Variants in PAG1 observed in about 807,000 individuals in gnomAD.
PAG1 encodes the protein phosphoprotein membrane anchor with glycosphingolipid microdomains 1.
In PAG1, 23 loss-of-function variants were observed where a neutral mutation model predicts 31.7. The observed-to-expected ratio is 0.73, with a 90% CI of 0.52 to 1.03. The LOEUF is 1.03. Ranked by LOEUF, PAG1 falls within the 50% of genes least tolerant of loss-of-function variation. PAG1 has a pLI of 0.00. For missense variants in PAG1, 473 were observed against 540.7 expected, an observed-to-expected ratio of 0.87 and a Z score of 1.24; for synonymous variants, 214 against 210.3, an observed-to-expected ratio of 1.02 and a Z score of -0.15.
At chr8:80,979,488 G>A (rs1373097093) in intron 8 of PAG1, among the ~76,000 whole-genome samples, 1 of 152,196 alleles carries the variant, frequency 6.6e-6, no homozygotes, top group Non-Finnish European at 1.5e-5. Flanking sequence ...TGACCCCTAG[G>A]TTTTGGTCTG....
At chr8:81,059,474 A>G (rs1808882659) in intron 2 of PAG1, among the ~76,000 whole-genome samples, 1 of 152,116 alleles carries the variant, frequency 6.6e-6, no homozygotes, top group African/African-American at 2.4e-5. Context: ...CACAAAATTA[A>G]ACATACCTCC....
intron 3 of PAG1, among the ~76,000 whole-genome samples, chr8:81,021,420 C>G (rs1029334200): frequency 1.4e-5 from 2 of 148,144 alleles, no homozygotes; most frequent in African/African-American, 5.0e-5. Context: ...TAGTTTGCAC[C>G]CTATGTCCTT....
chr8:81,022,316 T>C (rs918665673), intron 3 of PAG1, among the ~76,000 whole-genome samples: 11 of 152,226 alleles, frequency 7.2e-5, no homozygotes, highest in Non-Finnish European at 1.5e-5. Flanking sequence ...TATATTTCTT[T>C]TTCCTTAGAT....
chr8:81,096,391 C>T (rs564756718), intron 1 of PAG1, among the ~76,000 whole-genome samples: 15 of 152,106 alleles, frequency 9.9e-5, no homozygotes, highest in Non-Finnish European at 1.8e-4. Flanking sequence ...CTCTGCCCAA[C>T]TCCTGGACTT....
chr8:81,068,488 T>C (rs1413305525), intron 2 of PAG1, among the ~76,000 whole-genome samples: 2 of 152,200 alleles, frequency 1.3e-5, no homozygotes, highest in African/African-American at 4.8e-5. Flanking sequence ...TTGGTTTTGG[T>C]GGCACTTCTT....
At chr8:81,055,076 T>C (rs928390138) in intron 2 of PAG1, among the ~76,000 whole-genome samples, 3 of 109,248 alleles carry the variant, frequency 2.7e-5, no homozygotes, top group African/African-American at 1.7e-4. Context: ...TTTTTTTTTC[T>C]TTTTTTTTTT....
At chr8:81,068,207 T>A (rs1809038392) in intron 2 of PAG1, among the ~76,000 whole-genome samples, 2 of 152,336 alleles carry the variant, frequency 1.3e-5, no homozygotes, top group African/African-American at 4.8e-5. Flanking sequence ...GCTTTGCTTA[T>A]GTTTCTAATA....
chr8:81,025,423 C>G (rs553288361), intron 3 of PAG1, among the ~76,000 whole-genome samples: 1 of 152,312 alleles, frequency 6.6e-6, no homozygotes, highest in East Asian at 1.9e-4. Flanking sequence ...ACCCATCAAA[C>G]TCCTCAGATT....
chr8:81,023,181 A>C (rs1376529331), intron 3 of PAG1, among the ~76,000 whole-genome samples: 1 of 152,158 alleles, frequency 6.6e-6, no homozygotes, highest in Non-Finnish European at 1.5e-5. Context: ...ATTTAAATAC[A>C]AATTTTACTA....
chr8:80,999,505 C>T (rs1041961776), intron 3 of PAG1, among the ~76,000 whole-genome samples: 1 of 151,924 alleles, frequency 6.6e-6, no homozygotes, highest in Admixed American at 6.6e-5. Context: ...AATGCCTTAA[C>T]ATCACCAGAC....
rs574894651 is a variant in PAG1, at chr8:81,079,169, T to TC, written c.-233-9000dup. On this transcript the variant is annotated intron_variant, in intron 1 of 8. Transcript: ENST00000220597. ...CAAGCAGCCTTTCCACTCCTTGATT[T>TC]CCCCCCCTTACTTCCTATCAGCTCA... 1.7e-3 allele frequency among the ~76,000 whole-genome samples: 253 copies of TC among 151,830 alleles called. 1 individual carries two copies. The highest frequency in any genetic ancestry group is 5.9e-3 in the African/African-American group (245 of 41,378).
At chr8:81,088,416 T>C (rs1343878960) in intron 1 of PAG1, among the ~76,000 whole-genome samples, 1 of 152,248 alleles carries the variant, frequency 6.6e-6, no homozygotes, top group Non-Finnish European at 1.5e-5. Context: ...CACCATGATG[T>C]GTTTATCCTT....
chr8:80,987,340 G>A (rs369609388), intron 6 of PAG1, 30 bp downstream of exon 6: 7 of 1,393,676 alleles, frequency 5.0e-6, no homozygotes, highest in Non-Finnish European at 6.1e-6. Context: ...TGAGGCCTGT[G>A]TGGAAAGCTG....
chr8:81,059,680 C>T (rs181005947), intron 2 of PAG1, among the ~76,000 whole-genome samples: 1 of 152,128 alleles, frequency 6.6e-6, no homozygotes, highest in Admixed American at 6.5e-5. Context: ...ATAGCTAAAT[C>T]AGCCTCTGCA....
chr8:81,026,845 C>T (rs975044527), intron 3 of PAG1, among the ~76,000 whole-genome samples: 9 of 152,218 alleles, frequency 5.9e-5, no homozygotes, highest in African/African-American at 1.7e-4. Flanking sequence ...TCACGTCCCT[C>T]AGTAATCCTT....
At chr8:81,026,718 G>C (rs1409259962) in intron 3 of PAG1, among the ~76,000 whole-genome samples, 1 of 152,056 alleles carries the variant, frequency 6.6e-6, no homozygotes, top group Non-Finnish European at 1.5e-5. Context: ...TCACAGATGG[G>C]CCAGCAATTA....
rs1336259278 is a variant in PAG1, at chr8:81,031,964, G to T, written c.-174-1875C>A. On this transcript the variant is annotated intron_variant, in intron 2 of 8. Transcript: ENST00000220597. ...CAAGGGTGCCAAGACTATTCAACGGGGAAAGAACAGGCTTTTTCAACAAAT... is the reference window on the plus strand; with the variant it reads ...CAAGGGTGCCAAGACTATTCAACGGTGAAAGAACAGGCTTTTTCAACAAAT... Among the ~76,000 whole-genome samples, 3 of 152,156 alleles carry T rather than the reference G, an allele frequency of 2.0e-5. No individual in the cohort carries two copies. The East Asian group carries it at 5.8e-4, about 29-fold the overall frequency.
chr8:81,020,988 C>T (rs1808157811), intron 3 of PAG1, among the ~76,000 whole-genome samples: 1 of 152,232 alleles, frequency 6.6e-6, no homozygotes, highest in Non-Finnish European at 1.5e-5. Context: ...ATAAGTCAAA[C>T]AATGCCCACA....
In PAG1 at chr8:81,102,189, GTAT is replaced by G. The variant is rs372517757; in HGVS notation, c.-234+9399_-234+9401del. Among the ~76,000 whole-genome samples, 405 of 152,090 alleles carry G rather than the reference GTAT, an allele frequency of 2.7e-3. 3 individuals carry two copies. The highest frequency in any genetic ancestry group is 9.2e-3 in the African/African-American group (382 of 41,496). Reference sequence around the variant, plus strand: ...CAAATATAAAATACCATATTACTTTGTATTGTTATTTAAATTTTCACATGCCTA... The same window carrying G: ...CAAATATAAAATACCATATTACTTTGTGTTATTTAAATTTTCACATGCCTA... On this transcript the variant is annotated intron_variant, in intron 1 of 8. Transcript: ENST00000220597.
Sources: gnomAD v4.1 joint callset for allele counts (sites outside exome capture counted in the v4.1 genomes callset) on GRCh38, gnomAD v4.1.1 for gene constraint, MANE v1.5 for transcripts, NCBI Gene and HGNC (gene_info 2026-07-23, HGNC 2026-07-21) for gene names.